The following NRG3 variants were observed in gnomAD, a reference collection of about 807,000 sequenced individuals.
NRG3 encodes neuregulin 3.
A neutral mutation model predicts 66.9 loss-of-function variants in NRG3; 31 were observed. The observed-to-expected ratio is 0.46, with a 90% CI of 0.35 to 0.63. The LOEUF (loss-of-function observed/expected upper bound fraction) is 0.63, where lower values mean the gene tolerates loss of function less well. Among genes scored for constraint, NRG3 ranks in the 20% least tolerant of loss-of-function variants. The probability of loss-of-function intolerance (pLI) is 0.00; values close to 1 mark genes in which losing one functional copy is unlikely to be tolerated. For synonymous variants in NRG3, 393 were observed against 359.4 expected, an observed-to-expected ratio of 1.09 and a Z score of -1.06; for missense variants, 910 against 878.9, an observed-to-expected ratio of 1.04 and a Z score of -0.45.
intron 4 of NRG3, among the ~76,000 whole-genome samples, chr10:82,930,833 TC>T: frequency 6.6e-6 from 1 of 152,148 alleles, no homozygotes; most frequent in East Asian, 1.9e-4. Context: ...TCTATGGGAC[TC>T]GTGGTGGGTG....
chr10:82,210,791 G>A (rs1394370697), intron 1 of NRG3, among the ~76,000 whole-genome samples: 1 of 151,998 alleles, frequency 6.6e-6, no homozygotes, highest in Non-Finnish European at 1.5e-5. Context: ...CTAAAATTGA[G>A]CATATTTATG....
intron 1 of NRG3, among the ~76,000 whole-genome samples, chr10:82,022,182 G>A (rs11192192): frequency 0.014 from 2,082 of 152,126 alleles, 19 homozygotes; most frequent in Middle Eastern, 0.041. Flanking sequence ...TCAGGCCACG[G>A]TGATTATAAT....
rs1005546165 is a variant in NRG3, at chr10:82,985,589, C to G, written c.2075C>G (p.Ser692Cys). The change falls in exon 9 of 9, where the codon TCT becomes TGT. Residue 692 changes from serine to cysteine, a missense_variant. Coordinates refer to ENST00000372141, the MANE Select transcript of NRG3 (RefSeq NM_001010848.4). ...TTAAGAAATGAAATACAAAGAGACT[C>G]TGCATTGACCAAGTGACTTGAGATG... Reference protein sequence around the residue: ...FVLRNEIQRDSALTK With the variant: ...FVLRNEIQRDCALTK 5 of 1,611,680 alleles carry G rather than the reference C, an allele frequency of 3.1e-6. No individual in the cohort carries two copies. Among genetic ancestry groups the G allele is most frequent in the Non-Finnish European group, 4.2e-6 (5 of 1,179,840 alleles).
At chr10:82,169,997 T>G (rs905683417) in intron 1 of NRG3, among the ~76,000 whole-genome samples, 6 of 3,628 alleles carry the variant, frequency 1.7e-3, no homozygotes, top group Non-Finnish European at 2.4e-3. Flanking sequence ...TCATGTGTGT[T>G]TTTTTTTTTT....
rs11192025 is a variant in NRG3 at position 81,979,536 on chromosome 10, C to G, written c.823+103373C>G. 8.7e-3 allele frequency among the ~76,000 whole-genome samples: 1,331 copies of G among 152,238 alleles called. 14 individuals carry two copies. Among genetic ancestry groups the G allele is most frequent in the Non-Finnish European group, 0.014 (924 of 68,016 alleles). On this transcript the variant is annotated intron_variant, in intron 1 of 8. Coordinates refer to ENST00000372141, the MANE Select transcript of NRG3 (RefSeq NM_001010848.4). ...CTAGTTTTCTTTTTGTTTAGATTGT[C>G]CCACTTAATTTCCTTTTGTTTAGAT...
chr10:82,491,122 A>T (rs1049185796), intron 2 of NRG3, among the ~76,000 whole-genome samples: 5 of 151,350 alleles, frequency 3.3e-5, no homozygotes, highest in Non-Finnish European at 5.9e-5. Context: ...AGAATTTTGC[A>T]CTGGTTGAGT....
At chr10:82,355,317 A>C (rs541906252) in intron 1 of NRG3, among the ~76,000 whole-genome samples, 1 of 152,364 alleles carries the variant, frequency 6.6e-6, no homozygotes, top group East Asian at 1.9e-4. Context: ...ACATTAGAGC[A>C]CACTGTGCCA....
At chr10:82,895,712 G>A (rs1363711536) in intron 4 of NRG3, among the ~76,000 whole-genome samples, 1 of 152,118 alleles carries the variant, frequency 6.6e-6, no homozygotes. Context: ...GGATGGTCTC[G>A]ATCTCCTCAC....
chr10:82,113,176 A>G (rs775789931), intron 1 of NRG3, among the ~76,000 whole-genome samples: 2 of 152,164 alleles, frequency 1.3e-5, no homozygotes, highest in Non-Finnish European at 2.9e-5. Context: ...GCAGTGGGCT[A>G]AATGCTTTTC....
At chr10:82,747,962 TAA>T (rs1467955389) in intron 3 of NRG3, among the ~76,000 whole-genome samples, 5 of 151,618 alleles carry the variant, frequency 3.3e-5, no homozygotes, top group Admixed American at 1.3e-4. Context: ...AGTTTTATAT[TAA>T]GAGTAATATG....
At chr10:82,879,935 CTCT>C (rs1842159385) in intron 4 of NRG3, among the ~76,000 whole-genome samples, 1 of 145,590 alleles carries the variant, frequency 6.9e-6, no homozygotes, top group Non-Finnish European at 1.5e-5. Context: ...GTTGCATTCA[CTCT>C]TCTAAGAAGG....
At chr10:82,966,826 C>T (rs187709838) in intron 6 of NRG3, among the ~76,000 whole-genome samples, 3 of 151,964 alleles carry the variant, frequency 2.0e-5, no homozygotes, top group African/African-American at 4.8e-5. Flanking sequence ...TACTATGTTA[C>T]GTTCTCATCA....
In NRG3 at chr10:82,061,113, G is replaced by A. The variant is rs551711637; in HGVS notation, c.823+184950G>A. Among the ~76,000 whole-genome samples, 8 of 152,326 alleles carry A rather than the reference G, an allele frequency of 5.3e-5. No individual in the cohort carries two copies. In the South Asian group the frequency reaches 1.7e-3, roughly 32 times the overall value. On this transcript the variant is annotated intron_variant, in intron 1 of 8. Coordinates refer to ENST00000372141, the MANE Select transcript of NRG3 (RefSeq NM_001010848.4). ...TACGTCTGTAATGCCAGCACTTTGG[G>A]AGGCAGAGGCGGGTGGATCACGAGG...
chr10:82,119,016 T>C (rs1001130182), intron 1 of NRG3, among the ~76,000 whole-genome samples: 26 of 152,304 alleles, frequency 1.7e-4, no homozygotes, highest in African/African-American at 6.3e-4. Context: ...TTAATTTTTA[T>C]TTTATTGTAA....
intron 1 of NRG3, among the ~76,000 whole-genome samples, chr10:82,239,403 G>A (rs56336734): frequency 0.11 from 16,818 of 152,098 alleles, 991 homozygotes; most frequent in Non-Finnish European, 0.14. Context: ...TGATCCGGCC[G>A]CCTTGGTCTC....
chr10:81,992,384 C>T (rs2133583593), intron 1 of NRG3, among the ~76,000 whole-genome samples: 1 of 152,042 alleles, frequency 6.6e-6, no homozygotes, highest in Non-Finnish European at 1.5e-5. Flanking sequence ...CTATATCTGC[C>T]CTTGCTCATT....
intron 1 of NRG3, among the ~76,000 whole-genome samples, chr10:82,212,518 A>C (rs1177739410): frequency 6.6e-6 from 1 of 152,192 alleles, no homozygotes; most frequent in Admixed American, 6.5e-5. Context: ...AAGACAATGA[A>C]AGTTCCAAAA....
chr10:82,269,078 T>C (rs1170254272), intron 1 of NRG3, among the ~76,000 whole-genome samples: 1 of 152,198 alleles, frequency 6.6e-6, no homozygotes, highest in Non-Finnish European at 1.5e-5. Flanking sequence ...CTCCTACATT[T>C]TTCTGATACC....
chr10:82,893,786 T>G (rs566812710), intron 4 of NRG3, among the ~76,000 whole-genome samples: 1 of 152,268 alleles, frequency 6.6e-6, no homozygotes, highest in Non-Finnish European at 1.5e-5. Context: ...TGAACTTTTC[T>G]TATATTAGAA....
Sources: gnomAD v4.1 joint callset for allele counts (sites outside exome capture counted in the v4.1 genomes callset) on GRCh38, gnomAD v4.1.1 for gene constraint, MANE v1.5 for transcripts, NCBI Gene and HGNC (gene_info 2026-07-23, HGNC 2026-07-21) for gene names.